Variants in FHIT observed in about 807,000 individuals in gnomAD.
FHIT encodes bis(5'-adenosyl)-triphosphatase.
FHIT carries 19 observed loss-of-function variants against 17.9 expected under a neutral mutation model. That is an observed-to-expected ratio of 1.06 (90% confidence interval 0.74 to 1.56). The LOEUF is 1.56. FHIT is among the 40% of genes most tolerant of loss of function. FHIT has a pLI of 0.00. For synonymous variants in FHIT, 81 were observed against 69.7 expected, an observed-to-expected ratio of 1.16 and a Z score of -0.81; for missense variants, 248 against 189.2, an observed-to-expected ratio of 1.31 and a Z score of -1.82.
chr3:59,952,184 C>A (rs780990841), intron 7 of FHIT, among the ~76,000 whole-genome samples: 2 of 152,170 alleles, frequency 1.3e-5, no homozygotes, highest in African/African-American at 2.4e-5. Context: ...TTTTTGGACA[C>A]TGGATTTTTT....
At chr3:59,954,850 C>G (rs1050564875) in intron 7 of FHIT, among the ~76,000 whole-genome samples, 1 of 152,186 alleles carries the variant, frequency 6.6e-6, no homozygotes, top group Non-Finnish European at 1.5e-5. Flanking sequence ...CCCAAGCTTA[C>G]ATGCTAGGGC....
At chr3:61,080,996 C>T (rs2035119944) in intron 2 of FHIT, among the ~76,000 whole-genome samples, 1 of 152,150 alleles carries the variant, frequency 6.6e-6, no homozygotes, top group Non-Finnish European at 1.5e-5. Flanking sequence ...AGCTCACAAG[C>T]CTGCTTCTTC....
At chr3:60,524,828 G>C (rs530449984) in intron 5 of FHIT, among the ~76,000 whole-genome samples, 87 of 152,262 alleles carry the variant, frequency 5.7e-4, no homozygotes, top group African/African-American at 1.9e-3. Flanking sequence ...GCTGATCCAG[G>C]ATAATCTCCC....
At chr3:61,196,421 T>A (rs1008662700) in intron 2 of FHIT, among the ~76,000 whole-genome samples, 3 of 152,106 alleles carry the variant, frequency 2.0e-5, no homozygotes, top group African/African-American at 7.2e-5. Context: ...TTACCAAAAC[T>A]TGCTTTTAAA....
At chr3:59,939,139 G>A (rs1273459826) in intron 7 of FHIT, among the ~76,000 whole-genome samples, 2 of 152,318 alleles carry the variant, frequency 1.3e-5, no homozygotes, top group African/African-American at 4.8e-5. Flanking sequence ...GTTGTACAAT[G>A]AGACAGAGTG....
At chr3:60,639,109 C>A (rs1248657101) in intron 4 of FHIT, among the ~76,000 whole-genome samples, 1 of 148,504 alleles carries the variant, frequency 6.7e-6, no homozygotes. Flanking sequence ...CTGAGGTGAG[C>A]TCTATAGTTA....
intron 7 of FHIT, among the ~76,000 whole-genome samples, chr3:59,926,651 C>T (rs7616124): frequency 0.032 from 4,935 of 152,228 alleles, 244 homozygotes; most frequent in African/African-American, 0.11. Flanking sequence ...GTATCACTAA[C>T]GGTGTGAAAT....
intron 4 of FHIT, among the ~76,000 whole-genome samples, chr3:60,687,288 A>G (rs993324872): frequency 1.3e-5 from 2 of 152,148 alleles, no homozygotes; most frequent in Non-Finnish European, 2.9e-5. Flanking sequence ...TCCTTTAATA[A>G]TGAAAGTTCT....
At position 60,665,626 on chromosome 3, in the gene FHIT, A is replaced by G. The variant is rs553034067; in HGVS notation, c.-17-128647T>C. On this transcript the variant is annotated intron_variant, in intron 4 of 9. Transcript: ENST00000492590. ...TTAAAAATTAATATTTGTATGATATATGTTTTTCCACCCTTTTACTTTCAA... is the reference window on the plus strand; with the variant it reads ...TTAAAAATTAATATTTGTATGATATGTGTTTTTCCACCCTTTTACTTTCAA... 8.5e-5 allele frequency among the ~76,000 whole-genome samples: 13 copies of G among 152,112 alleles called. 1 individual carries two copies. The South Asian group carries it at 1.7e-3, about 19-fold the overall frequency.
intron 3 of FHIT, among the ~76,000 whole-genome samples, chr3:60,940,170 C>T (rs1462424523): frequency 6.6e-6 from 1 of 152,020 alleles, no homozygotes. Flanking sequence ...GTTTTATGCT[C>T]CTTTAATCTG....
chr3:60,826,439 G>A (rs1702125964), intron 3 of FHIT, among the ~76,000 whole-genome samples: 1 of 152,152 alleles, frequency 6.6e-6, no homozygotes, highest in South Asian at 2.1e-4. Context: ...CGATTCTCCT[G>A]CCTCAGCCTC....
At chr3:60,934,584 C>T (rs1428511665) in intron 3 of FHIT, among the ~76,000 whole-genome samples, 3 of 152,104 alleles carry the variant, frequency 2.0e-5, no homozygotes, top group African/African-American at 4.8e-5. Context: ...TCACATGTAA[C>T]GTATATGATA....
At chr3:59,764,572 G>A (rs1331385930) in intron 8 of FHIT, among the ~76,000 whole-genome samples, 1 of 152,136 alleles carries the variant, frequency 6.6e-6, no homozygotes, top group Admixed American at 6.5e-5. Flanking sequence ...CCTGGCCCAT[G>A]TGAGTTGCAC....
intron 2 of FHIT, chr3:61,165,670 A>C (rs2037815208): frequency 6.6e-6 from 1 of 152,360 alleles, no homozygotes; most frequent in Non-Finnish European, 1.5e-5. Flanking sequence ...CTCTGTCTCT[A>C]CTAAAAATAC....
chr3:60,672,375 G>C (rs1171596684), intron 4 of FHIT, among the ~76,000 whole-genome samples: 1 of 151,352 alleles, frequency 6.6e-6, no homozygotes, highest in Non-Finnish European at 1.5e-5. Context: ...AGTCAAAGGG[G>C]GTTTGTTCTC....
intron 5 of FHIT, among the ~76,000 whole-genome samples, chr3:60,067,070 C>A (rs1467857340): frequency 6.6e-6 from 1 of 152,040 alleles, no homozygotes; most frequent in Non-Finnish European, 1.5e-5. Flanking sequence ...ATGCACCTGT[C>A]CCCCAAATGC....
intron 5 of FHIT, among the ~76,000 whole-genome samples, chr3:60,453,196 A>AT (rs10718750): frequency 0.038 from 5,616 of 149,140 alleles, 122 homozygotes; most frequent in South Asian, 0.1. Context: ...GCCTGAGCAG[A>AT]TTTTTTTTTT....
At chr3:60,246,081 G>C (rs569011553) in intron 5 of FHIT, among the ~76,000 whole-genome samples, 2 of 152,038 alleles carry the variant, frequency 1.3e-5, no homozygotes, top group South Asian at 4.2e-4. Context: ...GTTTACCCTG[G>C]CTGTGCTTTA....
intron 8 of FHIT, among the ~76,000 whole-genome samples, chr3:59,910,248 G>A (rs1704804658): frequency 2.0e-5 from 3 of 152,188 alleles, no homozygotes. Flanking sequence ...GACTCTAAGT[G>A]GGGAGGGAGC....
Sources: gnomAD v4.1 joint callset for allele counts (sites outside exome capture counted in the v4.1 genomes callset) on GRCh38, gnomAD v4.1.1 for gene constraint, MANE v1.5 for transcripts, NCBI Gene and HGNC (gene_info 2026-07-23, HGNC 2026-07-21) for gene names.